TEN1: variants seen among roughly 807,000 people sequenced by gnomAD.
TEN1 encodes the protein CST complex subunit TEN1.
A neutral mutation model predicts 9.3 loss-of-function variants in TEN1; 6 were observed. The observed-to-expected ratio is 0.65, with a 90% confidence interval of 0.35 to 1.27. TEN1 has a LOEUF of 1.27. TEN1 is among the 50% of genes most tolerant of loss of function. The probability of loss-of-function intolerance (pLI) is 0.03; values close to 1 mark genes in which losing one functional copy is unlikely to be tolerated. For missense variants in TEN1, 149 were observed against 158.2 expected, an observed-to-expected ratio of 0.94 and a Z score of 0.31; for synonymous variants, 65 against 65.6, an observed-to-expected ratio of 0.99 and a Z score of 0.04.
Position 76,000,121 on chromosome 17 carries a change from C to T in TEN1, c.251-20C>T, listed in dbSNP as rs547862476. Reference sequence around the variant, plus strand: ...ACACGCCGCTCAGTCGCCGTTCGTGCCCTGGTGTTTGTCTTGCAGACAGAG... The same window carrying T: ...ACACGCCGCTCAGTCGCCGTTCGTGTCCTGGTGTTTGTCTTGCAGACAGAG... On this transcript the variant is annotated intron_variant, in intron 3 of 3. Coordinates refer to ENST00000397640, the MANE Select transcript of TEN1 (RefSeq NM_001113324.3). This position sits in a 1 kb window ranked among gnomAD's most constrained non-coding sequence, Gnocchi z 5.9. 6.4e-4 allele frequency: 990 copies of T among 1,549,138 alleles called. 9 individuals carry two copies. The highest frequency in any genetic ancestry group is 3.5e-3 in the Middle Eastern group (21 of 5,972).
intron 3 of TEN1, among the ~76,000 whole-genome samples, chr17:75,999,296 G>A (rs906288744): frequency 6.6e-6 from 1 of 151,996 alleles, no homozygotes; most frequent in Non-Finnish European, 1.5e-5. Context: ...AGCCATGATT[G>A]AGCCACTGCA....
chr17:75,988,874 G>T (rs961248491), intron 2 of TEN1, among the ~76,000 whole-genome samples: 1 of 150,990 alleles, frequency 6.6e-6, no homozygotes, highest in Non-Finnish European at 1.5e-5. Context: ...AGGTTCAAGC[G>T]ATTCTCCTGC....
At chr17:75,979,582 TCTTA>T (rs373767807) in intron 1 of TEN1, 71 bp downstream of exon 1, 16 of 236,324 alleles carry the variant, frequency 6.8e-5, no homozygotes, top group African/African-American at 3.5e-4. Flanking sequence ...CTTGCCCCCC[TCTTA>T]CCCCGCGGCC....
intron 3 of TEN1, among the ~76,000 whole-genome samples, chr17:75,995,237 A>G (rs1036457245): frequency 1.3e-5 from 2 of 150,154 alleles, no homozygotes; most frequent in Non-Finnish European, 3.0e-5. Context: ...AAAAAAAAGG[A>G]AAAAAAAGTC....
At position 76,000,358 on chromosome 17, in the gene TEN1, G is replaced by C; in HGVS notation, c.*96G>C. ...GAGCACAGACGCCTCCCCAGCGACG[G>C]CCTTGTCTGGAGCTCGAAAGCCGAG... On this transcript the variant is annotated 3_prime_UTR_variant, in exon 4 of 4. Coordinates refer to ENST00000397640, the MANE Select transcript of TEN1 (RefSeq NM_001113324.3). This position sits in a 1 kb window ranked among gnomAD's most constrained non-coding sequence, Gnocchi z 5.9. The C allele has an allele frequency of 7.0e-7, 1 of 1,438,682 alleles. No individual in the cohort carries two copies. Among genetic ancestry groups the C allele is most frequent in the Non-Finnish European group, 9.2e-7 (1 of 1,088,044 alleles). The allele number at this position is 1,438,682 out of a possible 1,614,324, so 89.1% of individuals were successfully genotyped here.
intron 3 of TEN1, among the ~76,000 whole-genome samples, chr17:75,994,260 C>A (rs1411825565): frequency 6.6e-6 from 1 of 151,042 alleles, no homozygotes; most frequent in Admixed American, 6.6e-5. Context: ...CATGGAGAAA[C>A]CCTGCCTCTA....
At chr17:75,995,080 G>C (rs1232171051) in intron 3 of TEN1, among the ~76,000 whole-genome samples, 1 of 152,112 alleles carries the variant, frequency 6.6e-6, no homozygotes, top group South Asian at 2.1e-4. Context: ...AGTTATCCAG[G>C]TGTGGTGGCA....
chr17:75,993,108 C>CTT (rs141385494), intron 3 of TEN1, among the ~76,000 whole-genome samples: 122 of 128,470 alleles, frequency 9.5e-4, no homozygotes, highest in Middle Eastern at 4.4e-3. Context: ...AAAGTTATTT[C>CTT]TTTTTTTTTT....
chr17:75,994,113 A>G (rs1004093065), intron 3 of TEN1, among the ~76,000 whole-genome samples: 1 of 151,348 alleles, frequency 6.6e-6, no homozygotes, highest in Non-Finnish European at 1.5e-5. Flanking sequence ...TTTGCATCAC[A>G]ACCTGTTTTT....
chr17:75,980,868 C>T (rs1250013698), intron 1 of TEN1, among the ~76,000 whole-genome samples: 3 of 152,212 alleles, frequency 2.0e-5, no homozygotes, highest in Non-Finnish European at 4.4e-5. Context: ...TCTTATTAAG[C>T]TGCTGATCTC....
Position 75,991,511 on chromosome 17 carries a change from T to A in TEN1, c.138T>A (p.Ala46=). 1 of 1,552,326 alleles carries A rather than the reference T, an allele frequency of 6.4e-7. No individual in the cohort carries two copies. The part of the protein sequence containing the change: ...DMIQSRVTLM[A]QHGSDQHQVL... ...TTCAGTCCAGAGTAACACTGATGGC[T>A]CAGCACGGATCCGATCAGCACCAGG... is the stretch of plus-strand genomic sequence containing the variant. Residue 46 remains alanine, a synonymous_variant, in exon 3 of 4, where the codon GCT becomes GCA. Coordinates refer to ENST00000397640, the MANE Select transcript of TEN1 (RefSeq NM_001113324.3).
rs1282617690 is a variant in TEN1, at chr17:76,000,120, G to A, written c.251-21G>A. 2.6e-6 allele frequency: 4 copies of A among 1,549,196 alleles called. No homozygotes were observed. Among genetic ancestry groups the A allele is most frequent in the Non-Finnish European group, 3.5e-6 (4 of 1,145,414 alleles). ...GACACGCCGCTCAGTCGCCGTTCGTGCCCTGGTGTTTGTCTTGCAGACAGA... is the reference window on the plus strand; with the variant it reads ...GACACGCCGCTCAGTCGCCGTTCGTACCCTGGTGTTTGTCTTGCAGACAGA... On this transcript the variant is annotated intron_variant, in intron 3 of 3. Coordinates refer to ENST00000397640, the MANE Select transcript of TEN1 (RefSeq NM_001113324.3). This position sits in a 1 kb window ranked among gnomAD's most constrained non-coding sequence, Gnocchi z 5.9.
intron 3 of TEN1, among the ~76,000 whole-genome samples, chr17:75,993,207 G>A (rs1385598956): frequency 3.3e-5 from 5 of 150,684 alleles, no homozygotes; most frequent in African/African-American, 9.8e-5. Flanking sequence ...GGGTTCAAGC[G>A]ATTCTCCTGC....
intron 3 of TEN1, among the ~76,000 whole-genome samples, chr17:75,996,352 G>A (rs188901975): frequency 1.6e-3 from 251 of 152,244 alleles, no homozygotes; most frequent in Non-Finnish European, 2.8e-3. Context: ...GAGCGTGGTG[G>A]CACATGCCTG....
chr17:75,985,081 T>A (rs999136661), intron 1 of TEN1: 2 of 152,108 alleles, frequency 1.3e-5, no homozygotes, highest in African/African-American at 4.8e-5. Flanking sequence ...CCATCTCTAC[T>A]AAAAAGCACT....
chr17:75,986,819 C>T (rs927800432), intron 2 of TEN1, among the ~76,000 whole-genome samples: 1 of 151,844 alleles, frequency 6.6e-6, no homozygotes, highest in Non-Finnish European at 1.5e-5. Flanking sequence ...CCCATAATCC[C>T]ATTACCCAGA....
chr17:75,985,771 G>A (rs1357017566), intron 1 of TEN1, among the ~76,000 whole-genome samples: 4 of 151,844 alleles, frequency 2.6e-5, no homozygotes, highest in South Asian at 2.1e-4. Flanking sequence ...TGATCCGCCC[G>A]CCTCAGCCTC....
intron 2 of TEN1, 128 bp from the exon 3 acceptor site, chr17:75,991,338 A>G (rs2144355090): frequency 1.1e-6 from 1 of 949,208 alleles, no homozygotes; most frequent in Non-Finnish European, 1.6e-6. Flanking sequence ...TTGTTGCTGC[A>G]ATTTGCATTT....
chr17:75,987,916 C>CAAAAA (rs34957837), intron 2 of TEN1, among the ~76,000 whole-genome samples: 3 of 51,234 alleles, frequency 5.9e-5, no homozygotes, highest in Admixed American at 2.7e-4. Flanking sequence ...GACTCCATCT[C>CAAAAA]AAAAAAAAAA....
Sources: allele counts gnomAD v4.1 joint callset (sites outside exome capture counted in the v4.1 genomes callset), GRCh38; gene constraint gnomAD v4.1.1; non-coding constraint Gnocchi (gnomAD v3.1); transcripts MANE v1.5; gene names NCBI Gene and HGNC (gene_info 2026-07-23, HGNC 2026-07-21).